The following UBE2E2 variants were observed in gnomAD, a reference collection of about 807,000 sequenced individuals.
UBE2E2 encodes the protein ubiquitin-conjugating enzyme E2 E2.
Under a neutral mutation model 24.7 loss-of-function variants are expected in UBE2E2, and 6 were observed. That is an observed-to-expected ratio of 0.24 (90% CI 0.13 to 0.48). UBE2E2 has a LOEUF of 0.48. Among genes scored for constraint, UBE2E2 ranks in the 20% least tolerant of loss-of-function variants. The pLI, the probability that UBE2E2 is intolerant of heterozygous loss-of-function variation, is 0.99. For missense variants in UBE2E2, 169 were observed against 245.0 expected (o/e 0.69, Z 2.07); for synonymous variants, 104 against 83.6 (o/e 1.24, Z -1.33).
chr3:23,448,225 T>A (rs1343334979), intron 3 of UBE2E2, among the ~76,000 whole-genome samples: 1 of 152,218 alleles, frequency 6.6e-6, no homozygotes, highest in African/African-American at 2.4e-5. Context: ...AGAATGAAGC[T>A]CTTGCCACGA....
intron 3 of UBE2E2, among the ~76,000 whole-genome samples, chr3:23,373,848 G>A (rs893674577): frequency 7.9e-5 from 12 of 152,130 alleles, no homozygotes; most frequent in Admixed American, 7.9e-4. Flanking sequence ...GGACTTCTCA[G>A]TCCATGGGAA....
intron 3 of UBE2E2, among the ~76,000 whole-genome samples, chr3:23,367,725 G>T (rs1161628484): frequency 6.6e-6 from 1 of 152,148 alleles, no homozygotes; most frequent in Non-Finnish European, 1.5e-5. Flanking sequence ...AAGCCAGTGG[G>T]CAGACGTTCT....
intron 5 of UBE2E2, among the ~76,000 whole-genome samples, chr3:23,550,796 C>T (rs1047444488): frequency 3.3e-5 from 5 of 152,134 alleles, no homozygotes; most frequent in African/African-American, 4.8e-5. Context: ...CCAGCAGTGT[C>T]ACTGAGTTGA....
intron 5 of UBE2E2, among the ~76,000 whole-genome samples, chr3:23,557,902 C>A (rs1485416385): frequency 3.9e-5 from 6 of 152,188 alleles, no homozygotes; most frequent in Non-Finnish European, 8.8e-5. Flanking sequence ...TTATAGGGAT[C>A]TGACAAATTC....
chr3:23,344,450 C>A (rs1054048), intron 3 of UBE2E2, among the ~76,000 whole-genome samples: 15,841 of 152,036 alleles, frequency 0.1, 1,090 homozygotes, highest in Middle Eastern at 0.19. Flanking sequence ...AGCAAACTAA[C>A]GCCTTTGAAT....
At chr3:23,586,257 T>C (rs906248051) in intron 5 of UBE2E2, among the ~76,000 whole-genome samples, 2 of 152,240 alleles carry the variant, frequency 1.3e-5, no homozygotes, top group Non-Finnish European at 2.9e-5. Flanking sequence ...CTATGTTGAA[T>C]AGAATTTTAA....
At chr3:23,252,342 AAC>A (rs1394891662) in intron 3 of UBE2E2, among the ~76,000 whole-genome samples, 1 of 152,200 alleles carries the variant, frequency 6.6e-6, no homozygotes, top group Non-Finnish European at 1.5e-5. Flanking sequence ...AGGATGCTGT[AAC>A]AGTGATCTTG....
intron 5 of UBE2E2, among the ~76,000 whole-genome samples, chr3:23,533,705 C>T (rs955021527): frequency 6.9e-6 from 1 of 143,974 alleles, no homozygotes. Context: ...CTCCCGCAAC[C>T]TCCGCCTCCT....
chr3:23,545,849 A>G (rs1319949019), intron 5 of UBE2E2, among the ~76,000 whole-genome samples: 1 of 152,196 alleles, frequency 6.6e-6, no homozygotes, highest in Admixed American at 6.5e-5. Context: ...AGAAGGAAAT[A>G]ACATCTACGG....
intron 3 of UBE2E2, among the ~76,000 whole-genome samples, chr3:23,489,625 A>G (rs896050434): frequency 1.3e-5 from 2 of 152,200 alleles, no homozygotes; most frequent in Non-Finnish European, 2.9e-5. Flanking sequence ...TGGTAACAAC[A>G]ATAGTTTCAT....
chr3:23,456,698 T>C (rs1698687047), intron 3 of UBE2E2, among the ~76,000 whole-genome samples: 1 of 152,216 alleles, frequency 6.6e-6, no homozygotes, highest in Non-Finnish European at 1.5e-5. Flanking sequence ...TAAACAAGTG[T>C]GCTGTCATCG....
At chr3:23,217,614 G>A (rs1696513237) in intron 3 of UBE2E2, among the ~76,000 whole-genome samples, 1 of 151,984 alleles carries the variant, frequency 6.6e-6, no homozygotes, top group Admixed American at 6.6e-5. Context: ...AGGTGTTAGG[G>A]CCTTAAGTGG....
At position 23,532,720 on chromosome 3, in the gene UBE2E2, A is replaced by G. The variant is rs1325301736; in HGVS notation, c.508+19A>G. 1.3e-6 allele frequency: 2 copies of G among 1,500,802 alleles called. No individual in the cohort carries two copies. The highest frequency in any genetic ancestry group is 1.7e-5 in the Admixed American group (1 of 58,034). The allele number at this position is 1,500,802 out of a possible 1,614,324, so 93.0% of individuals were successfully genotyped here. A position where few individuals can be genotyped will look rare whatever the true frequency, so the allele number is the denominator to read the frequency against. On this transcript the variant is annotated intron_variant, in intron 5 of 5. Transcript: ENST00000396703. ...AACCCTGGTAAGAGACTTTAAATCT[A>G]GTATGAATTGGAGCTTGTCAAGATT...
At chr3:23,303,764 G>T (rs1425970866) in intron 3 of UBE2E2, among the ~76,000 whole-genome samples, 2 of 152,186 alleles carry the variant, frequency 1.3e-5, no homozygotes, top group Non-Finnish European at 2.9e-5. Flanking sequence ...ACAAGAGGTA[G>T]AAATAGAACT....
chr3:23,284,581 A>AAT (rs1346732231), intron 3 of UBE2E2, among the ~76,000 whole-genome samples: 3 of 152,066 alleles, frequency 2.0e-5, no homozygotes, highest in Non-Finnish European at 4.4e-5. Context: ...TTAAAGAATT[A>AAT]ATATCATACA....
intron 5 of UBE2E2, among the ~76,000 whole-genome samples, chr3:23,540,159 A>G (rs1314326530): frequency 6.6e-6 from 1 of 151,736 alleles, no homozygotes; most frequent in Non-Finnish European, 1.5e-5. Flanking sequence ...GAACTCCTGC[A>G]CTCAAGCAAC....
chr3:23,582,902 T>C (rs59063663), intron 5 of UBE2E2, among the ~76,000 whole-genome samples: 1 of 139,258 alleles, frequency 7.2e-6, no homozygotes, highest in Non-Finnish European at 1.6e-5. Context: ...TGTTGTGTGT[T>C]TGTTTGCTGT....
intron 4 of UBE2E2, among the ~76,000 whole-genome samples, chr3:23,502,642 C>T (rs995928066): frequency 2.0e-5 from 3 of 152,152 alleles, no homozygotes. Flanking sequence ...ATGAGCTATT[C>T]TAGTAATTTC....
chr3:23,345,058 C>T (rs2125313411), intron 3 of UBE2E2, among the ~76,000 whole-genome samples: 1 of 152,214 alleles, frequency 6.6e-6, no homozygotes, highest in South Asian at 2.1e-4. Context: ...GAATTTTGCC[C>T]TTAAATAGGT....
Sources: allele counts gnomAD v4.1 joint callset (sites outside exome capture counted in the v4.1 genomes callset), GRCh38; gene constraint gnomAD v4.1.1; transcripts MANE v1.5; gene names NCBI Gene and HGNC (gene_info 2026-07-23, HGNC 2026-07-21).